RNF157: variants seen among roughly 807,000 people sequenced by gnomAD.
RNF157 encodes the protein ring finger protein 157.
In RNF157, 55 loss-of-function variants were observed where a neutral mutation model predicts 88.3. That is an observed-to-expected ratio of 0.62 (90% confidence interval 0.50 to 0.78). The LOEUF (loss-of-function observed/expected upper bound fraction) is 0.78. RNF157 is among the 30% of genes least tolerant of loss of function. The probability of loss-of-function intolerance (pLI) is 0.00; values close to 1 mark genes in which losing one functional copy is unlikely to be tolerated. For missense variants in RNF157, 788 were observed against 860.8 expected, an observed-to-expected ratio of 0.92 and a Z score of 1.06; for synonymous variants, 334 against 341.2, an observed-to-expected ratio of 0.98 and a Z score of 0.23.
rs1165436563 is a variant in RNF157 at position 76,174,662 on chromosome 17, T to C, written c.208-872A>G. The stretch of plus-strand genomic sequence containing the variant: ...TTGGCTCAAGAAGAGTCTACCTCCA[T>C]AGTGTGGTATCACAAAACAGGACAC... On this transcript the variant is annotated intron_variant, in intron 2 of 18. Transcript: ENST00000269391. Among the ~76,000 whole-genome samples the C allele has an allele frequency of 2.6e-5, 4 of 152,374 alleles. No homozygotes were observed. In the East Asian group the frequency reaches 5.8e-4, roughly 22 times the overall value.
chr17:76,213,015 T>C (rs999160161), intron 1 of RNF157, among the ~76,000 whole-genome samples: 1 of 152,208 alleles, frequency 6.6e-6, no homozygotes, highest in African/African-American at 2.4e-5. Context: ...ACTAGATCAC[T>C]GTTTTCCTTT....
At chr17:76,201,376 G>A (rs894108975) in intron 2 of RNF157, among the ~76,000 whole-genome samples, 1 of 151,546 alleles carries the variant, frequency 6.6e-6, no homozygotes, top group South Asian at 2.1e-4. Flanking sequence ...GCTGTGCATG[G>A]TGTCATGTAT....
intron 2 of RNF157, among the ~76,000 whole-genome samples, chr17:76,207,570 A>G (rs1358448046): frequency 6.6e-6 from 1 of 152,272 alleles, no homozygotes; most frequent in Non-Finnish European, 1.5e-5. Flanking sequence ...TATGGCATTT[A>G]TAGCTTAATA....
intron 1 of RNF157, among the ~76,000 whole-genome samples, chr17:76,230,860 G>T (rs183928026): frequency 4.8e-5 from 2 of 41,974 alleles, no homozygotes; most frequent in Non-Finnish European, 9.4e-5. Flanking sequence ...AAAAAAAAAA[G>T]AGAGAGAGAG....
intron 17 of RNF157, chr17:76,153,744 G>A (rs2068717511): frequency 6.5e-6 from 1 of 153,768 alleles, no homozygotes; most frequent in Non-Finnish European, 1.4e-5. Flanking sequence ...TGCCTAAGCT[G>A]AGCTCCTGAA....
Position 76,182,782 on chromosome 17 carries a change from TATATATGAGAG to T in RNF157, c.208-9003_208-8993del, listed in dbSNP as rs1216762144. ...TCTCATATATATATATATATATATA[TATATATGAGAG>T]ATATATATATGAGAGAGATATATAT... On this transcript the variant is annotated intron_variant, in intron 2 of 18. Coordinates refer to ENST00000269391, the MANE Select transcript of RNF157 (RefSeq NM_052916.3). 9.3e-5 allele frequency among the ~76,000 whole-genome samples: 13 copies of T among 139,778 alleles called. 1 individual carries two copies. The highest frequency in any genetic ancestry group is 6.0e-4 in the East Asian group (3 of 4,972). 91.7% of individuals were successfully genotyped at this position (139,778 alleles called of 152,430 possible). A position where few individuals can be genotyped will look rare whatever the true frequency, so the allele number is the denominator to read the frequency against.
intron 2 of RNF157, among the ~76,000 whole-genome samples, chr17:76,188,533 A>G (rs2069331241): frequency 1.3e-5 from 2 of 152,214 alleles, no homozygotes; most frequent in Admixed American, 1.3e-4. Context: ...GAGACTAAAA[A>G]TAGCCAAGTT....
chr17:76,158,667 C>T (rs576772964), intron 12 of RNF157, 166 bp from the exon 13 acceptor site: 5 of 597,146 alleles, frequency 8.4e-6, no homozygotes, highest in East Asian at 2.9e-5. Context: ...TGGGCTTCAG[C>T]GATCCTCTTG....
intron 2 of RNF157, among the ~76,000 whole-genome samples, chr17:76,185,670 C>T (rs1204351565): frequency 1.3e-5 from 2 of 151,898 alleles, no homozygotes; most frequent in African/African-American, 4.8e-5. Context: ...GGGGTTTCAC[C>T]GTGTTAGCCA....
chr17:76,155,196 G>A, intron 16 of RNF157, 56 bp downstream of exon 16: 1 of 1,517,930 alleles, frequency 6.6e-7, no homozygotes, highest in Non-Finnish European at 9.2e-7. Context: ...CCCCAGCCAA[G>A]GCCAGCACTC....
chr17:76,226,983 T>C (rs1191443321), intron 1 of RNF157, among the ~76,000 whole-genome samples: 1 of 152,226 alleles, frequency 6.6e-6, no homozygotes, highest in African/African-American at 2.4e-5. Flanking sequence ...CCGCAGGCAC[T>C]GCTGCCCCTA....
chr17:76,157,798 C>T lies in RNF157; in HGVS notation c.1413+595G>A. On this transcript the variant is annotated intron_variant, in intron 13 of 18. Transcript: ENST00000269391. This position sits in a 1 kb window ranked among gnomAD's most constrained non-coding sequence, Gnocchi z 5.6. The stretch of plus-strand genomic sequence containing the variant: ...GCCCTACAGAGAGAAGCTGCATAAA[C>T]CTTTGTTAAGTGAGGTCTCTGTGGG... Among the ~76,000 whole-genome samples the T allele has an allele frequency of 6.6e-6, 1 of 151,936 alleles. No homozygotes were observed.
At chr17:76,159,139 A>T (rs1384008359) in intron 12 of RNF157, among the ~76,000 whole-genome samples, 196 bp downstream of exon 12, 1 of 152,200 alleles carries the variant, frequency 6.6e-6, no homozygotes, top group Non-Finnish European at 1.5e-5. Flanking sequence ...TTGTCTCATC[A>T]GAGTTTTCTT....
Position 76,195,783 on chromosome 17 carries a change from C to T in RNF157, c.207+16581G>A, listed in dbSNP as rs900359456. ...GTAGGACTTGACTCAAGAAGTGAGA[C>T]TCAACTCCAGAGGTGGGGCTCGCAC... On this transcript the variant is annotated intron_variant, in intron 2 of 18. Transcript: ENST00000269391. The surrounding 1 kb of genome is among the most constrained non-coding windows in gnomAD (Gnocchi z 4.4). 2.9e-4 allele frequency among the ~76,000 whole-genome samples: 44 copies of T among 152,322 alleles called. No individual in the cohort carries two copies. The highest frequency in any genetic ancestry group is 9.9e-4 in the African/African-American group (41 of 41,578).
intron 2 of RNF157, among the ~76,000 whole-genome samples, chr17:76,189,437 C>T (rs1162123683): frequency 6.6e-6 from 1 of 152,180 alleles, no homozygotes; most frequent in East Asian, 1.9e-4. Context: ...GTTACGGTGA[C>T]TTTAGACAAG....
chr17:76,178,986 C>A (rs184748824), intron 2 of RNF157, among the ~76,000 whole-genome samples: 1 of 152,174 alleles, frequency 6.6e-6, no homozygotes, highest in Non-Finnish European at 1.5e-5. Context: ...TCTGAAGACA[C>A]AAATTTATTT....
intron 2 of RNF157, among the ~76,000 whole-genome samples, chr17:76,210,418 G>A (rs559185092): frequency 5.0e-4 from 76 of 151,360 alleles, no homozygotes; most frequent in East Asian, 7.9e-4. Flanking sequence ...GTGAAACCCC[G>A]TCTCTACTAA....
Position 76,162,610 on chromosome 17 carries a change from C to G in RNF157, c.734G>C (p.Ser245Thr), listed in dbSNP as rs1301183952. The change falls in exon 9 of 19, where the codon AGC becomes ACC. Residue 245 changes from serine (S) to threonine (T), a missense_variant. By Grantham distance (58) the Ser-to-Thr change is moderately conservative (BLOSUM62 1). Coordinates refer to ENST00000269391, the MANE Select transcript of RNF157 (RefSeq NM_052916.3). Reference protein sequence around the residue: ...LKQKQVVDGVSYLLQEIYGIE... With the variant: ...LKQKQVVDGVTYLLQEIYGIE... ...TCCATAGATCTCCTGAAGGAGGTAG[C>G]TGACCCCGTCTACCTGAACAGCAAA... The G allele has an allele frequency of 3.7e-6, 6 of 1,612,044 alleles. No homozygotes were observed. In the Admixed American group the frequency reaches 6.7e-5, roughly 18 times the overall value.
chr17:76,182,342 C>G (rs1158897231), intron 2 of RNF157, among the ~76,000 whole-genome samples: 1 of 152,008 alleles, frequency 6.6e-6, no homozygotes, highest in Non-Finnish European at 1.5e-5. Flanking sequence ...CACATCACAT[C>G]GGCAAAGCGC....
Sources: allele counts gnomAD v4.1 joint callset (sites outside exome capture counted in the v4.1 genomes callset), GRCh38; gene constraint gnomAD v4.1.1; non-coding constraint Gnocchi (gnomAD v3.1); transcripts MANE v1.5; gene names NCBI Gene and HGNC (gene_info 2026-07-23, HGNC 2026-07-21).